The following SLIT3 variants were observed in gnomAD, a reference collection of about 807,000 sequenced individuals.
SLIT3 encodes slit guidance ligand 3.
SLIT3 carries 68 observed loss-of-function variants against 184.0 expected under a neutral mutation model. The ratio of observed to expected loss-of-function variants is 0.37; its 90% CI spans 0.30 to 0.45. The LOEUF is 0.45. SLIT3 is among the 20% of genes least tolerant of loss of function. The probability of loss-of-function intolerance (pLI) is 1.00; values close to 1 mark genes in which losing one functional copy is unlikely to be tolerated. For synonymous variants in SLIT3, 831 were observed against 828.6 expected, an observed-to-expected ratio of 1.00 and a Z score of -0.05; for missense variants, 1,707 against 2,026.0, an observed-to-expected ratio of 0.84 and a Z score of 3.02.
intron 26 of SLIT3, among the ~76,000 whole-genome samples, chr5:168,704,341 C>T (rs1580981847): frequency 7.2e-6 from 1 of 138,764 alleles, no homozygotes; most frequent in African/African-American, 3.5e-5. Flanking sequence ...TGAATCCTGG[C>T]ACTGAGGTAG....
intron 4 of SLIT3, among the ~76,000 whole-genome samples, chr5:169,185,761 A>G (rs956789936): frequency 6.6e-6 from 1 of 152,226 alleles, no homozygotes; most frequent in East Asian, 1.9e-4. Context: ...TTAGGGCTTC[A>G]TAGAGATAAG....
chr5:168,787,318 C>T (rs910626301), intron 11 of SLIT3, among the ~76,000 whole-genome samples: 4 of 152,172 alleles, frequency 2.6e-5, no homozygotes, highest in South Asian at 2.1e-4. Context: ...TCACACCACC[C>T]GCCATGCCTT....
intron 1 of SLIT3, among the ~76,000 whole-genome samples, chr5:169,256,121 C>A (rs1470581538): frequency 6.6e-6 from 1 of 151,950 alleles, no homozygotes; most frequent in East Asian, 1.9e-4. Flanking sequence ...ATCTTTTATA[C>A]CGTATCTTTA....
intron 4 of SLIT3, among the ~76,000 whole-genome samples, chr5:169,116,153 T>A (rs1213295682): frequency 6.6e-6 from 1 of 152,182 alleles, no homozygotes; most frequent in Non-Finnish European, 1.5e-5. Flanking sequence ...ATTGTTTGGA[T>A]TATTTTTATT....
chr5:169,044,768 GA>G (rs1554093215), intron 4 of SLIT3, among the ~76,000 whole-genome samples: 1 of 152,032 alleles, frequency 6.6e-6, no homozygotes, highest in Non-Finnish European at 1.5e-5. Context: ...AAAAAAGAAG[GA>G]AAAAAGAAAG....
intron 4 of SLIT3, among the ~76,000 whole-genome samples, chr5:169,046,874 GC>G (rs1020869944): frequency 2.0e-5 from 3 of 152,040 alleles, no homozygotes; most frequent in African/African-American, 7.2e-5. Context: ...CTCTCTCCAG[GC>G]CTGTGCCCCT....
chr5:168,713,131 C>T (rs1010155720), intron 23 of SLIT3, among the ~76,000 whole-genome samples: 23 of 152,272 alleles, frequency 1.5e-4, no homozygotes, highest in East Asian at 5.8e-4. Context: ...TCTCTGGAGC[C>T]GAACACTCAT....
chr5:168,990,900 AT>A (rs1261373821), intron 4 of SLIT3, among the ~76,000 whole-genome samples: 1 of 152,188 alleles, frequency 6.6e-6, no homozygotes, highest in Non-Finnish European at 1.5e-5. Context: ...AGCAGCTATC[AT>A]TTATTGCCTG....
chr5:168,901,638 G>C (rs1028210366), intron 4 of SLIT3, among the ~76,000 whole-genome samples: 2 of 152,148 alleles, frequency 1.3e-5, no homozygotes, highest in Admixed American at 6.5e-5. Context: ...TTGGTTTACA[G>C]ATGAGAAAAT....
At chr5:168,941,644 A>T (rs1259736293) in intron 4 of SLIT3, among the ~76,000 whole-genome samples, 1 of 152,174 alleles carries the variant, frequency 6.6e-6, no homozygotes, top group East Asian at 1.9e-4. Context: ...CTTTCAGGTA[A>T]CTGAAGGAGG....
At chr5:169,040,486 G>A (rs1490712477) in intron 4 of SLIT3, among the ~76,000 whole-genome samples, 1 of 152,240 alleles carries the variant, frequency 6.6e-6, no homozygotes, top group African/African-American at 2.4e-5. Flanking sequence ...AGGATATGGT[G>A]TGGGTTTCTT....
chr5:169,195,355 TA>T (rs1763707387), intron 3 of SLIT3, among the ~76,000 whole-genome samples: 2 of 152,130 alleles, frequency 1.3e-5, no homozygotes, highest in South Asian at 4.1e-4. Flanking sequence ...ACTTCACATA[TA>T]ATAAGCCCAC....
At chr5:168,751,631 C>T (rs533947788) in intron 18 of SLIT3, among the ~76,000 whole-genome samples, 10 of 152,326 alleles carry the variant, frequency 6.6e-5, no homozygotes, top group African/African-American at 1.9e-4. Flanking sequence ...TCCCTTCCCA[C>T]GACAGCGCAC....
At chr5:168,850,129 C>T (rs191748744) in intron 5 of SLIT3, among the ~76,000 whole-genome samples, 9 of 152,188 alleles carry the variant, frequency 5.9e-5, no homozygotes, top group Non-Finnish European at 1.2e-4. Context: ...TCAAAAGAAA[C>T]GCATATACTT....
chr5:169,027,294 G>T (rs1002980317), intron 4 of SLIT3, among the ~76,000 whole-genome samples: 2 of 152,094 alleles, frequency 1.3e-5, no homozygotes, highest in Non-Finnish European at 2.9e-5. Context: ...AAGCAAGTGT[G>T]GGAACAGCTT....
chr5:169,107,911 T>C (rs1459799352), intron 4 of SLIT3, among the ~76,000 whole-genome samples: 1 of 152,242 alleles, frequency 6.6e-6, no homozygotes, highest in African/African-American at 2.4e-5. Context: ...AGAAGCCTTC[T>C]TGACCTCGAT....
intron 4 of SLIT3, among the ~76,000 whole-genome samples, chr5:169,124,027 G>C (rs1443723763): frequency 6.6e-6 from 1 of 152,114 alleles, no homozygotes; most frequent in African/African-American, 2.4e-5. Context: ...ATTTTTCAAG[G>C]GTTTCAGACG....
intron 5 of SLIT3, among the ~76,000 whole-genome samples, chr5:168,847,736 G>A (rs951072158): frequency 6.6e-6 from 1 of 152,196 alleles, no homozygotes; most frequent in Admixed American, 6.5e-5. Context: ...ATGGTGGAGT[G>A]GAGCGTTACT....
chr5:169,187,869 T>TAAAAA (rs34656361), intron 4 of SLIT3, among the ~76,000 whole-genome samples: 1 of 146,628 alleles, frequency 6.8e-6, no homozygotes, highest in Non-Finnish European at 1.5e-5. Flanking sequence ...GATAAATTCT[T>TAAAAA]AAAAAAAAAA....
Sources: gnomAD v4.1 joint callset for allele counts (sites outside exome capture counted in the v4.1 genomes callset) on GRCh38, gnomAD v4.1.1 for gene constraint, MANE v1.5 for transcripts, NCBI Gene and HGNC (gene_info 2026-07-23, HGNC 2026-07-21) for gene names.